Variants in CLIP1 observed in about 807,000 individuals in gnomAD.
The protein encoded by CLIP1 is CAP-Gly domain containing linker protein 1, also known as CAP-Gly domain-containing linker protein 1.
In CLIP1, 66 loss-of-function variants were observed where a neutral mutation model predicts 161.6. The ratio of observed to expected loss-of-function variants is 0.41; its 90% confidence interval spans 0.33 to 0.50. The LOEUF (loss-of-function observed/expected upper bound fraction) is 0.50. Among genes scored for constraint, CLIP1 ranks in the 20% least tolerant of loss-of-function variants. The pLI is 0.27. For synonymous variants in CLIP1, 598 were observed against 626.2 expected (o/e 0.96, Z 0.67); for missense variants, 1,376 against 1,702.0 (o/e 0.81, Z 3.37).
chr12:122,409,959 C>T (rs995665777), intron 1 of CLIP1, among the ~76,000 whole-genome samples: 1 of 149,866 alleles, frequency 6.7e-6, no homozygotes, highest in Admixed American at 6.7e-5. Flanking sequence ...AAAGCTCCGC[C>T]TCCTGGGTTC....
intron 1 of CLIP1, among the ~76,000 whole-genome samples, chr12:122,405,778 G>T (rs2137120734): frequency 6.7e-6 from 1 of 148,724 alleles, no homozygotes; most frequent in African/African-American, 2.5e-5. Context: ...AAAACAAAAA[G>T]GAAACAGCAG....
At chr12:122,351,441 A>C (rs1953031996) in intron 8 of CLIP1, among the ~76,000 whole-genome samples, 1 of 152,240 alleles carries the variant, frequency 6.6e-6, no homozygotes, top group South Asian at 2.1e-4. Flanking sequence ...CTGTATATGA[A>C]ATGAGTGAAG....
rs773781583 is a variant in CLIP1 at position 122,377,944 on chromosome 12, T to C, written c.102A>G (p.Glu34=). 1.2e-6 allele frequency: 2 copies of C among 1,608,684 alleles called. No homozygotes were observed. Among genetic ancestry groups the C allele is most frequent in the South Asian group, 2.2e-5 (2 of 90,044 alleles). The change falls in exon 3 of 26, where the codon GAA becomes GAG. Residue 34 remains glutamate (E), a synonymous_variant. Coordinates refer to ENST00000620786, the MANE Select transcript of CLIP1 (RefSeq NM_001247997.2). ...KTPTAVVAPV[E]KTISSEKASS... ...ATGCTTTTTCACTGGATATGGTTTT[T>C]TCTACTGGAGCTACAACTGAAAACA...
rs117639979 is a variant in CLIP1 at position 122,287,053 on chromosome 12, T to A, written c.3647+1436A>T. Among the ~76,000 whole-genome samples the A allele has an allele frequency of 7.6e-4, 115 of 151,980 alleles. 1 individual carries two copies. The East Asian group carries it at 0.017, about 23-fold the overall frequency. On this transcript the variant is annotated intron_variant, in intron 21 of 25. Transcript: ENST00000620786. ...CAGGTGTGATCACGCATGCCTGTAGTCCCAGCCACTTGGGAGGCTGAGAGG... is the reference window on the plus strand; with the variant it reads ...CAGGTGTGATCACGCATGCCTGTAGACCCAGCCACTTGGGAGGCTGAGAGG...
intron 2 of CLIP1, among the ~76,000 whole-genome samples, 159 bp downstream of exon 2, chr12:122,380,209 C>T (rs1954952071): frequency 6.6e-6 from 1 of 150,940 alleles, no homozygotes; most frequent in South Asian, 2.1e-4. Context: ...CGCCACTGCA[C>T]TCCAGCCTGG....
chr12:122,336,757 C>G lies in CLIP1; in HGVS notation c.2452-9G>C. On this transcript the variant is annotated splice_polypyrimidine_tract_variant and intron_variant, in intron 11 of 25. Coordinates refer to ENST00000620786, the MANE Select transcript of CLIP1 (RefSeq NM_001247997.2). ...CTGGTAATGCTACTAGCCTAACACA[C>G]AGTGTTACATGGTATAGAAGCAAAT... 1.7e-5 allele frequency: 23 copies of G among 1,335,288 alleles called. No homozygotes were observed. Among genetic ancestry groups the G allele is most frequent in the Non-Finnish European group, 2.4e-5 (22 of 934,758 alleles). 82.7% of individuals were successfully genotyped at this position (1,335,288 alleles called of 1,614,324 possible). A position where few individuals can be genotyped will look rare whatever the true frequency, so the allele number is the denominator to read the frequency against.
At chr12:122,353,583 C>T (rs1953159779) in intron 7 of CLIP1, among the ~76,000 whole-genome samples, 1 of 152,134 alleles carries the variant, frequency 6.6e-6, no homozygotes, top group Admixed American at 6.5e-5. Flanking sequence ...CAGTGCACTC[C>T]AGCCTGAGTG....
chr12:122,336,780 A>C, intron 11 of CLIP1, 32 bp from the exon 12 acceptor site: 1 of 926,354 alleles, frequency 1.1e-6, no homozygotes, highest in Non-Finnish European at 1.6e-6. Context: ...TATAGAAGCA[A>C]ATGAACAAAA....
upstream of CLIP1, among the ~76,000 whole-genome samples, chr12:122,422,821 C>T (rs1324105895): frequency 6.7e-6 from 1 of 149,436 alleles, no homozygotes; most frequent in Non-Finnish European, 1.5e-5. Flanking sequence ...GCGCCCACCG[C>T]GGCCCCGGGA....
intron 19 of CLIP1, among the ~76,000 whole-genome samples, chr12:122,310,294 T>C (rs528019667): frequency 2.0e-4 from 31 of 152,368 alleles, no homozygotes; most frequent in South Asian, 1.4e-3. Context: ...CACTCTGTTC[T>C]AACTGCACAG....
chr12:122,287,829 T>C (rs948040935), intron 21 of CLIP1, among the ~76,000 whole-genome samples: 1 of 152,150 alleles, frequency 6.6e-6, no homozygotes, highest in Non-Finnish European at 1.5e-5. Flanking sequence ...ACATTAAAAT[T>C]TTCATATAAT....
chr12:122,347,738 A>G (rs1036340383), intron 9 of CLIP1, among the ~76,000 whole-genome samples: 3 of 152,166 alleles, frequency 2.0e-5, no homozygotes, highest in African/African-American at 7.2e-5. Flanking sequence ...ATGAGGCCAG[A>G]TGAAGTGTCA....
At chr12:122,416,066 T>C (rs770024549) in intron 1 of CLIP1, among the ~76,000 whole-genome samples, 17 of 151,770 alleles carry the variant, frequency 1.1e-4, no homozygotes, top group Non-Finnish European at 1.6e-4. Flanking sequence ...GGTGAAACCC[T>C]GTCTCTACTA....
Position 122,323,958 on chromosome 12 carries a change from G to A in CLIP1, c.3249+3989C>T, listed in dbSNP as rs961360547. On this transcript the variant is annotated intron_variant, in intron 17 of 25. Coordinates refer to ENST00000620786, the MANE Select transcript of CLIP1 (RefSeq NM_001247997.2). The surrounding 1 kb of genome is among the most constrained non-coding windows in gnomAD (Gnocchi z 4.1). ...ATCAAAGTATCTTTGCTGAGCTGGA[G>A]CTCTTCAATGAGTGCCTGCATGCTC... is the stretch of plus-strand genomic sequence containing the variant. 5 of 152,616 alleles carry A rather than the reference G, an allele frequency of 3.3e-5. No individual in the cohort carries two copies. The highest frequency in any genetic ancestry group is 2.0e-4 in the Admixed American group (3 of 15,274). The allele number at this position is 152,616 out of a possible 1,614,324, so 9.5% of individuals were successfully genotyped here. A position where few individuals can be genotyped will look rare whatever the true frequency, so the allele number is the denominator to read the frequency against.
chr12:122,277,334 T>A (rs572416305), intron 24 of CLIP1: 1 of 139,774 alleles, frequency 7.2e-6, no homozygotes, highest in South Asian at 2.3e-4. Context: ...GGCTGCAGGA[T>A]TGTTTTTTGT....
intron 1 of CLIP1, among the ~76,000 whole-genome samples, chr12:122,421,564 AC>A (rs1455778467): frequency 6.6e-6 from 1 of 152,114 alleles, no homozygotes; most frequent in Non-Finnish European, 1.5e-5. Context: ...AATCTTCTCC[AC>A]CCTTTGTTTT....
In CLIP1 at chr12:122,387,547, CATATATATATATATATATATATATAT is replaced by C. The variant is rs773688335; in HGVS notation, c.-106-7015_-106-6990del. ...TTCAACCCTTGAATACATGCCTTTT[CATATATATATATATATATATATATAT>C]ATATATATATATATATATTTTTTTT... is the stretch of plus-strand genomic sequence containing the variant. On this transcript the variant is annotated intron_variant, in intron 1 of 25. Coordinates refer to ENST00000620786, the MANE Select transcript of CLIP1 (RefSeq NM_001247997.2). Among the ~76,000 whole-genome samples the C allele has an allele frequency of 4.8e-3, 195 of 40,400 alleles. 11 individuals carry two copies. Among genetic ancestry groups the C allele is most frequent in the East Asian group, 0.048 (59 of 1,224 alleles). 26.5% of individuals were successfully genotyped at this position (40,400 alleles called of 152,430 possible). A position where few individuals can be genotyped will look rare whatever the true frequency, so the allele number is the denominator to read the frequency against.
intron 18 of CLIP1, among the ~76,000 whole-genome samples, chr12:122,318,694 G>A (rs1951363490): frequency 6.6e-6 from 1 of 152,192 alleles, no homozygotes; most frequent in African/African-American, 2.4e-5. Context: ...AGGAGGGTGG[G>A]AGCAGGGAAA....
At chr12:122,367,080 T>A (rs539797984) in intron 3 of CLIP1, among the ~76,000 whole-genome samples, 3 of 152,290 alleles carry the variant, frequency 2.0e-5, no homozygotes, top group Admixed American at 6.5e-5. Flanking sequence ...CTTCAGACAA[T>A]GTGTTAAATT....
Sources: gnomAD v4.1 joint callset for allele counts (sites outside exome capture counted in the v4.1 genomes callset) on GRCh38, gnomAD v4.1.1 for gene constraint, Gnocchi (gnomAD v3.1) non-coding constraint, MANE v1.5 for transcripts, NCBI Gene and HGNC (gene_info 2026-07-23, HGNC 2026-07-21) for gene names.